TRHDE: variants seen among roughly 807,000 people sequenced by gnomAD.
TRHDE encodes the protein thyrotropin-releasing hormone-degrading ectoenzyme.
TRHDE carries 72 observed loss-of-function variants against 125.7 expected under a neutral mutation model. The ratio of observed to expected loss-of-function variants is 0.57; its 90% CI spans 0.47 to 0.70. TRHDE has a LOEUF of 0.70. Among genes scored for constraint, TRHDE ranks in the 30% least tolerant of loss-of-function variants. The pLI, the probability that TRHDE is intolerant of heterozygous loss-of-function variation, is 0.00. For missense variants in TRHDE, 1,110 were observed against 1,327.1 expected, an observed-to-expected ratio of 0.84 and a Z score of 2.54; for synonymous variants, 509 against 509.1, an observed-to-expected ratio of 1.00 and a Z score of 0.00.
At chr12:72,526,083 G>C (rs1474520660) in intron 6 of TRHDE, among the ~76,000 whole-genome samples, 1 of 151,950 alleles carries the variant, frequency 6.6e-6, no homozygotes. Context: ...ATTATATCTA[G>C]TTTTTAAAAC....
chr12:72,568,036 T>C (rs2136018119), intron 9 of TRHDE, among the ~76,000 whole-genome samples: 1 of 152,232 alleles, frequency 6.6e-6, no homozygotes, highest in South Asian at 2.1e-4. Flanking sequence ...TGATCTGGAT[T>C]GTATGGGAAT....
At chr12:72,308,133 A>G (rs139823904) in intron 2 of TRHDE, among the ~76,000 whole-genome samples, 1 of 151,276 alleles carries the variant, frequency 6.6e-6, no homozygotes, top group East Asian at 2.0e-4. Context: ...AACTAGCGAG[A>G]CTATAAGTTG....
intron 3 of TRHDE, among the ~76,000 whole-genome samples, chr12:72,442,795 AT>A (rs1875080071): frequency 2.6e-5 from 4 of 151,900 alleles, no homozygotes; most frequent in Admixed American, 2.6e-4. Context: ...TAAGGAGAGG[AT>A]TTTTAGGTTC....
At chr12:72,132,680 A>G (rs893225335) in intron 2 of TRHDE, among the ~76,000 whole-genome samples, 3 of 152,200 alleles carry the variant, frequency 2.0e-5, no homozygotes. Context: ...TATTTCAATA[A>G]GTATTTATGG....
chr12:72,520,150 G>A (rs1352600291), intron 6 of TRHDE, among the ~76,000 whole-genome samples: 3 of 152,204 alleles, frequency 2.0e-5, no homozygotes, highest in Admixed American at 6.5e-5. Context: ...AGGCCTCCTT[G>A]AGCTGTGGTG....
chr12:72,272,494 C>A lies in TRHDE; in HGVS notation c.-150C>A. 1.8e-6 allele frequency: 1 copy of A among 547,498 alleles called. No individual in the cohort carries two copies. The highest frequency in any genetic ancestry group is 3.3e-6 in the Non-Finnish European group (1 of 307,600). The allele number at this position is 547,498 out of a possible 1,614,324, so 33.9% of individuals were successfully genotyped here. The stretch of plus-strand genomic sequence containing the variant: ...CGCGGAAGCTGCCGTCGCTTGTGTC[C>A]AGAACCCGTCTTAAAAGAACCCGGG... On this transcript the variant is annotated 5_prime_UTR_variant, in exon 1 of 19. Coordinates refer to ENST00000261180, the MANE Select transcript of TRHDE (RefSeq NM_013381.3). This position sits in a 1 kb window ranked among gnomAD's most constrained non-coding sequence, Gnocchi z 6.7.
chr12:72,652,801 A>AT (rs1189921974), intron 16 of TRHDE, among the ~76,000 whole-genome samples: 9 of 151,886 alleles, frequency 5.9e-5, no homozygotes, highest in East Asian at 1.9e-4. Flanking sequence ...CTTTCACAAG[A>AT]TTTTTTTAGA....
intron 12 of TRHDE, among the ~76,000 whole-genome samples, chr12:72,602,075 C>G (rs1048833926): frequency 6.6e-6 from 1 of 152,030 alleles, no homozygotes; most frequent in Admixed American, 6.6e-5. Flanking sequence ...AGTGCTGGCC[C>G]CCACACATCC....
intron 2 of TRHDE, among the ~76,000 whole-genome samples, chr12:72,365,998 C>T (rs1871325355): frequency 2.0e-5 from 3 of 152,098 alleles, no homozygotes; most frequent in Admixed American, 2.0e-4. Flanking sequence ...TTTGCATCTT[C>T]ACATTTTTTT....
At chr12:72,642,741 A>T (rs1433558274) in intron 15 of TRHDE, among the ~76,000 whole-genome samples, 1 of 152,150 alleles carries the variant, frequency 6.6e-6, no homozygotes, top group East Asian at 1.9e-4. Context: ...TCTTATAAAC[A>T]ATTTCCATGT....
At chr12:72,604,580 A>G (rs549096220) in intron 12 of TRHDE, among the ~76,000 whole-genome samples, 2 of 152,132 alleles carry the variant, frequency 1.3e-5, no homozygotes, top group South Asian at 2.1e-4. Context: ...AATTCTTTCA[A>G]TATTGTTGAA....
At chr12:72,384,092 C>G (rs1872311491) in intron 3 of TRHDE, among the ~76,000 whole-genome samples, 1 of 152,060 alleles carries the variant, frequency 6.6e-6, no homozygotes, top group South Asian at 2.1e-4. Flanking sequence ...AATTTAGGTG[C>G]ACTATAGTTA....
In TRHDE at chr12:72,272,838, A is replaced by C. The variant is rs11179139; in HGVS notation, c.195A>C (p.Ala65=). Residue 65 remains alanine (A), a synonymous_variant, in exon 1 of 19, where the codon GCA becomes GCC. Transcript: ENST00000261180. This position sits in a 1 kb window ranked among gnomAD's most constrained non-coding sequence, Gnocchi z 6.7. ...AGSRGLSDPW[A]DSVGVRPRTT... Reference sequence around the variant, plus strand: ...GCAGGGGGCTCTCCGACCCGTGGGCAGACTCAGTGGGAGTGCGACCCCGCA... The same window carrying C: ...GCAGGGGGCTCTCCGACCCGTGGGCCGACTCAGTGGGAGTGCGACCCCGCA... The C allele has an allele frequency of 0.031, 49,741 of 1,580,980 alleles. 946 individuals carry two copies. Among genetic ancestry groups the C allele is most frequent in the Non-Finnish European group, 0.038 (44,270 of 1,169,962 alleles).
At chr12:72,457,803 C>T (rs1389019344) in intron 3 of TRHDE, among the ~76,000 whole-genome samples, 10 of 152,184 alleles carry the variant, frequency 6.6e-5, no homozygotes, top group Non-Finnish European at 4.4e-5. Context: ...CCACTTCATA[C>T]TCACACTGTC....
At chr12:72,363,571 C>T (rs917952552) in intron 2 of TRHDE, among the ~76,000 whole-genome samples, 8 of 152,012 alleles carry the variant, frequency 5.3e-5, no homozygotes, top group East Asian at 3.9e-4. Flanking sequence ...AATTCAACAA[C>T]GCTTCATGCT....
chr12:72,552,080 C>T (rs1331564748), intron 7 of TRHDE, among the ~76,000 whole-genome samples: 1 of 152,020 alleles, frequency 6.6e-6, no homozygotes, highest in Non-Finnish European at 1.5e-5. Flanking sequence ...ATGCATTGCC[C>T]AATAGTCTGT....
rs559667828 is a variant in TRHDE at position 72,371,816 on chromosome 12, A to C, written c.1189-6179A>C. Among the ~76,000 whole-genome samples, 1,213 of 152,184 alleles carry C rather than the reference A, an allele frequency of 8.0e-3. 16 individuals carry two copies. The highest frequency in any genetic ancestry group is 0.028 in the African/African-American group (1,155 of 41,510). On this transcript the variant is annotated intron_variant, in intron 2 of 18. Coordinates refer to ENST00000261180, the MANE Select transcript of TRHDE (RefSeq NM_013381.3). ...TTGTTGGACATTTGGGTTGGTTCCA[A>C]GTCTTTGCTATTGTGAATAGTGCCG...
At chr12:72,210,428 AAGGTT>A (rs1241963300) in intron 2 of TRHDE, among the ~76,000 whole-genome samples, 1 of 152,290 alleles carries the variant, frequency 6.6e-6, no homozygotes, top group East Asian at 1.9e-4. Context: ...AAAGGAAAGA[AAGGTT>A]AGGAAAGGAG....
chr12:72,259,253 G>A lies in TRHDE; in HGVS notation n.280-118742G>A, dbSNP rs576232652. 5.9e-5 allele frequency among the ~76,000 whole-genome samples: 9 copies of A among 151,986 alleles called. No homozygotes were observed. The South Asian group carries it at 1.9e-3, about 32-fold the overall frequency. ...ATTCATGGGTTCCTCTTTATGCAGT[G>A]GATTATAATCCACTACTCTCATTAC... On this transcript the variant is annotated intron_variant and non_coding_transcript_variant, in intron 2 of 4. Coordinates refer to the TRHDE transcript ENST00000548156.
Sources: allele counts gnomAD v4.1 joint callset (sites outside exome capture counted in the v4.1 genomes callset), GRCh38; gene constraint gnomAD v4.1.1; non-coding constraint Gnocchi (gnomAD v3.1); transcripts MANE v1.5; gene names NCBI Gene and HGNC (gene_info 2026-07-23, HGNC 2026-07-21).